ROR1: variants seen among roughly 807,000 people sequenced by gnomAD.
The protein encoded by ROR1 is inactive tyrosine-protein kinase transmembrane receptor ROR1.
In ROR1, 19 loss-of-function variants were observed where a neutral mutation model predicts 78.8. The ratio of observed to expected loss-of-function variants is 0.24; its 90% confidence interval spans 0.17 to 0.35. The LOEUF (loss-of-function observed/expected upper bound fraction) is 0.35. Ranked by LOEUF, ROR1 falls within the 10% of genes least tolerant of loss-of-function variation. The pLI is 1.00. For missense variants in ROR1, 917 were observed against 1,177.8 expected, an observed-to-expected ratio of 0.78 and a Z score of 3.24; for synonymous variants, 386 against 433.6, an observed-to-expected ratio of 0.89 and a Z score of 1.36.
chr1:64,103,345 A>G (rs1197223399), intron 4 of ROR1, among the ~76,000 whole-genome samples: 2 of 152,012 alleles, frequency 1.3e-5, no homozygotes, highest in South Asian at 2.1e-4. Context: ...AAATGCAAAA[A>G]AAAAAAAGTA....
At chr1:63,780,858 T>TA (rs1644647782) in intron 1 of ROR1, among the ~76,000 whole-genome samples, 1 of 152,214 alleles carries the variant, frequency 6.6e-6, no homozygotes, top group African/African-American at 2.4e-5. Context: ...TGGGGAATGT[T>TA]ACATTTCAGG....
At chr1:63,814,914 G>A (rs1219820294) in intron 1 of ROR1, among the ~76,000 whole-genome samples, 1 of 152,156 alleles carries the variant, frequency 6.6e-6, no homozygotes, top group Non-Finnish European at 1.5e-5. Flanking sequence ...TAGCCTCTTA[G>A]TACTTCTGGT....
chr1:64,154,048 T>C (rs1649702384), intron 7 of ROR1, among the ~76,000 whole-genome samples: 3 of 152,240 alleles, frequency 2.0e-5, no homozygotes, highest in Non-Finnish European at 4.4e-5. Flanking sequence ...TGCTCACAAA[T>C]GAGTTGCTCT....
intron 1 of ROR1, among the ~76,000 whole-genome samples, chr1:63,785,857 A>G (rs965341160): frequency 3.9e-5 from 6 of 152,100 alleles, no homozygotes; most frequent in African/African-American, 1.2e-4. Flanking sequence ...GATGTTCTTA[A>G]TCCACCAGTG....
chr1:64,025,363 A>T (rs1455211905), intron 2 of ROR1, among the ~76,000 whole-genome samples: 2 of 152,160 alleles, frequency 1.3e-5, no homozygotes, highest in African/African-American at 4.8e-5. Context: ...GGGAGTATAA[A>T]CTAGTACAAC....
In ROR1 at chr1:64,025,066, C is replaced by G. The variant is rs575080060; in HGVS notation, c.163+15690C>G. Reference sequence around the variant, plus strand: ...ATCTTTGGTGTCATGCTTAGAAAAGCCTTCCATTCTCCAAGATGATCAAAA... The same window carrying G: ...ATCTTTGGTGTCATGCTTAGAAAAGGCTTCCATTCTCCAAGATGATCAAAA... On this transcript the variant is annotated intron_variant, in intron 2 of 8. Transcript: ENST00000371079. Among the ~76,000 whole-genome samples, 25 of 152,176 alleles carry G rather than the reference C, an allele frequency of 1.6e-4. No individual in the cohort carries two copies. In the South Asian group the frequency reaches 2.5e-3, roughly 15 times the overall value.
intron 7 of ROR1, among the ~76,000 whole-genome samples, chr1:64,152,857 T>C (rs1198787543): frequency 6.6e-6 from 1 of 152,196 alleles, no homozygotes; most frequent in Non-Finnish European, 1.5e-5. Flanking sequence ...CAATTTGATG[T>C]TGATTGACTG....
chr1:63,871,795 A>G (rs769869832), intron 1 of ROR1, among the ~76,000 whole-genome samples: 1 of 152,236 alleles, frequency 6.6e-6, no homozygotes, highest in Non-Finnish European at 1.5e-5. Context: ...GTTTACACCA[A>G]CATGGAAGCT....
chr1:63,775,361 TGA>T (rs933432502), intron 1 of ROR1: 17 of 152,254 alleles, frequency 1.1e-4, no homozygotes, highest in African/African-American at 3.6e-4. Flanking sequence ...CGGTACACAA[TGA>T]GAGGGAAGAG....
intron 7 of ROR1, among the ~76,000 whole-genome samples, chr1:64,153,285 C>T (rs1282744341): frequency 6.6e-6 from 1 of 152,002 alleles, no homozygotes; most frequent in Admixed American, 6.5e-5. Flanking sequence ...AAATTGGAAC[C>T]ATTGTGATCT....
intron 2 of ROR1, among the ~76,000 whole-genome samples, chr1:64,017,330 A>G (rs535159957): frequency 6.6e-6 from 1 of 152,154 alleles, no homozygotes; most frequent in Non-Finnish European, 1.5e-5. Flanking sequence ...CACCCAGTAT[A>G]GAAGCATGCA....
chr1:64,050,022 A>C (rs372094440), intron 3 of ROR1, 44 bp downstream of exon 3: 1 of 1,597,238 alleles, frequency 6.3e-7, no homozygotes, highest in South Asian at 1.1e-5. Flanking sequence ...CCTCAGCCCA[A>C]TGTGGTAGGA....
chr1:64,049,715 C>A lies in ROR1; in HGVS notation c.188C>A (p.Pro63Gln). ...GATTCTTACCTGACCCTCGATGAAC[C>A]AATGAATAACATCACCACGTCTCTG... ...NKDSYLTLDE[P>Q]MNNITTSLGQ... Residue 63 changes from proline (P) to glutamine (Q), a missense_variant, in exon 3 of 9, where the codon CCA becomes CAA. Physicochemically the swap from Pro to Gln is moderately conservative, Grantham distance 76. Coordinates refer to ENST00000371079, the MANE Select transcript of ROR1 (RefSeq NM_005012.4). 1 of 1,613,976 alleles carries A rather than the reference C, an allele frequency of 6.2e-7. No homozygotes were observed. Among genetic ancestry groups the A allele is most frequent in the South Asian group, 1.1e-5 (1 of 91,060 alleles).
At chr1:63,815,009 T>G (rs1419467638) in intron 1 of ROR1, among the ~76,000 whole-genome samples, 1 of 152,210 alleles carries the variant, frequency 6.6e-6, no homozygotes, top group Non-Finnish European at 1.5e-5. Flanking sequence ...CCAGCCTTTT[T>G]CCTTTCACTG....
intron 1 of ROR1, among the ~76,000 whole-genome samples, chr1:63,907,443 G>A (rs1645538063): frequency 6.6e-6 from 1 of 152,160 alleles, no homozygotes; most frequent in African/African-American, 2.4e-5. Flanking sequence ...TTCAGTGCTT[G>A]CCAGGCACAT....
At chr1:63,811,960 G>GTTTTTT (rs568040372) in intron 1 of ROR1, among the ~76,000 whole-genome samples, 1 of 124,062 alleles carries the variant, frequency 8.1e-6, no homozygotes, top group Non-Finnish European at 1.7e-5. Flanking sequence ...AACCAGAGGT[G>GTTTTTT]TTTTTTTTTT....
At chr1:64,171,779 G>A (rs991662105) in intron 8 of ROR1, among the ~76,000 whole-genome samples, 6 of 152,150 alleles carry the variant, frequency 3.9e-5, no homozygotes, top group Middle Eastern at 3.2e-3. Context: ...TTTCATCTGT[G>A]TGTCTACTTC....
At chr1:64,106,856 A>C (rs1192299210) in intron 4 of ROR1, 1 of 152,036 alleles carries the variant, frequency 6.6e-6, no homozygotes, top group Non-Finnish European at 1.5e-5. Flanking sequence ...ATAAATTCTT[A>C]GCACACGGGT....
chr1:64,142,682 A>C, intron 7 of ROR1, 32 bp downstream of exon 7: 2 of 1,610,746 alleles, frequency 1.2e-6, no homozygotes, highest in South Asian at 2.2e-5. Flanking sequence ...TAATGTATTC[A>C]ATCATCTTTA....
Sources: allele counts gnomAD v4.1 joint callset (sites outside exome capture counted in the v4.1 genomes callset), GRCh38; gene constraint gnomAD v4.1.1; transcripts MANE v1.5; gene names NCBI Gene and HGNC (gene_info 2026-07-23, HGNC 2026-07-21).